GRIN2B: variants seen among roughly 807,000 people sequenced by gnomAD.
GRIN2B encodes glutamate ionotropic receptor NMDA type subunit 2B.
A neutral mutation model predicts 114.5 loss-of-function variants in GRIN2B; 5 were observed. The ratio of observed to expected loss-of-function variants is 0.04; its 90% confidence interval spans 0.02 to 0.09. The LOEUF (loss-of-function observed/expected upper bound fraction) is 0.09, where lower values mean the gene tolerates loss of function less well. Ranked by LOEUF, GRIN2B falls within the 10% of genes least tolerant of loss-of-function variation. The pLI is 1.00. For synonymous variants in GRIN2B, 787 were observed against 745.1 expected (o/e 1.06, Z -0.92); for missense variants, 1,108 against 1,943.5 (o/e 0.57, Z 8.08).
intron 3 of GRIN2B, among the ~76,000 whole-genome samples, chr12:13,767,983 C>A (rs1863830128): frequency 6.6e-6 from 1 of 152,204 alleles, no homozygotes; most frequent in Non-Finnish European, 1.5e-5. Flanking sequence ...ACCTCAGATT[C>A]CCCTCTCTGT....
At chr12:13,820,636 T>A (rs1214517726) in intron 3 of GRIN2B, among the ~76,000 whole-genome samples, 1 of 152,212 alleles carries the variant, frequency 6.6e-6, no homozygotes, top group Non-Finnish European at 1.5e-5. Context: ...AAGCATATAG[T>A]ACAATGCTTG....
At chr12:13,699,108 C>A (rs1018264963) in intron 4 of GRIN2B, among the ~76,000 whole-genome samples, 2 of 152,162 alleles carry the variant, frequency 1.3e-5, no homozygotes, top group Non-Finnish European at 2.9e-5. Flanking sequence ...AGTAAGCATG[C>A]ATAAGGTTAA....
At chr12:13,603,117 C>G (rs1224853571) in intron 10 of GRIN2B, among the ~76,000 whole-genome samples, 1 of 152,180 alleles carries the variant, frequency 6.6e-6, no homozygotes, top group African/African-American at 2.4e-5. Flanking sequence ...CTAAGGGTCA[C>G]TCTATACACA....
chr12:13,920,235 GAAA>G (rs11354278), intron 2 of GRIN2B, among the ~76,000 whole-genome samples: 6 of 139,296 alleles, frequency 4.3e-5, no homozygotes, highest in South Asian at 2.3e-4. Context: ...CCTATCTCAA[GAAA>G]AAAAAAAAAA....
intron 5 of GRIN2B, among the ~76,000 whole-genome samples, chr12:13,624,741 C>G (rs1170582877): frequency 6.6e-6 from 1 of 152,342 alleles, no homozygotes; most frequent in East Asian, 1.9e-4. Context: ...CCCAGGGACA[C>G]TGAGACATCC....
intron 3 of GRIN2B, among the ~76,000 whole-genome samples, chr12:13,806,605 T>C (rs1427476189): frequency 1.3e-5 from 2 of 152,150 alleles, no homozygotes; most frequent in African/African-American, 4.8e-5. Flanking sequence ...TTGAGTTATA[T>C]ATTTTTAATA....
chr12:13,776,472 ATT>A (rs1433735044), intron 3 of GRIN2B, among the ~76,000 whole-genome samples: 1 of 152,176 alleles, frequency 6.6e-6, no homozygotes, highest in Non-Finnish European at 1.5e-5. Flanking sequence ...GAAATTCTGA[ATT>A]TTAGGAATTT....
intron 10 of GRIN2B, among the ~76,000 whole-genome samples, chr12:13,592,700 G>A (rs756868441): frequency 1.3e-5 from 2 of 152,148 alleles, no homozygotes; most frequent in African/African-American, 2.4e-5. Flanking sequence ...TCCACTTGCT[G>A]AGCTCTGGTG....
intron 2 of GRIN2B, 118 bp from the exon 3 acceptor site, chr12:13,866,344 A>C: frequency 1.2e-6 from 1 of 812,786 alleles, no homozygotes; most frequent in Non-Finnish European, 2.0e-6. Flanking sequence ...ACCAAACCCA[A>C]CTCCATCTAC....
chr12:13,717,923 G>T (rs2136588930), intron 4 of GRIN2B, among the ~76,000 whole-genome samples: 1 of 152,102 alleles, frequency 6.6e-6, no homozygotes, highest in Non-Finnish European at 1.5e-5. Context: ...AAACATGGGG[G>T]CTTAAGGTCA....
intron 5 of GRIN2B, among the ~76,000 whole-genome samples, chr12:13,618,375 A>G (rs973158405): frequency 6.6e-6 from 1 of 152,106 alleles, no homozygotes; most frequent in Non-Finnish European, 1.5e-5. Flanking sequence ...GAGAAGCCCT[A>G]AAGTACTTAT....
intron 2 of GRIN2B, among the ~76,000 whole-genome samples, chr12:13,896,714 G>C (rs1866362414): frequency 6.6e-6 from 1 of 152,062 alleles, no homozygotes; most frequent in African/African-American, 2.4e-5. Context: ...GATTGGGGAG[G>C]GCCTTTGGGT....
intron 3 of GRIN2B, among the ~76,000 whole-genome samples, chr12:13,800,599 A>G (rs1312086570): frequency 6.6e-6 from 1 of 152,194 alleles, no homozygotes; most frequent in Non-Finnish European, 1.5e-5. Context: ...TATAGTATCA[A>G]CATCTCTGAA....
chr12:13,652,959 T>C (rs74067248), intron 5 of GRIN2B, among the ~76,000 whole-genome samples: 3,373 of 152,254 alleles, frequency 0.022, 135 homozygotes, highest in African/African-American at 0.077. Flanking sequence ...TGGAGCACTA[T>C]TGCAGAGTTT....
intron 4 of GRIN2B, among the ~76,000 whole-genome samples, chr12:13,715,821 G>A (rs1157343466): frequency 2.0e-5 from 3 of 151,904 alleles, no homozygotes; most frequent in African/African-American, 4.8e-5. Context: ...GATGTCATAA[G>A]AGCAAGTCCT....
rs1187007126 is a variant in GRIN2B at position 13,554,320 on chromosome 12, A to T, written c.*8463T>A. ...CGAAAGTGTTATGGGCATTCATAAA[A>T]TGCCTAAAATTATTTTCTGAATGGA... On this transcript the variant is annotated 3_prime_UTR_variant, in exon 14 of 14. Coordinates refer to ENST00000609686, the MANE Select transcript of GRIN2B (RefSeq NM_000834.5). 1 of 152,230 alleles carries T rather than the reference A, an allele frequency of 6.6e-6. No homozygotes were observed. The highest frequency in any genetic ancestry group is 2.4e-5 in the African/African-American group (1 of 41,454). The allele number at this position is 152,230 out of a possible 1,614,324, so 9.4% of individuals were successfully genotyped here.
intron 2 of GRIN2B, among the ~76,000 whole-genome samples, chr12:13,952,664 G>C (rs895223056): frequency 6.6e-6 from 1 of 152,002 alleles, no homozygotes; most frequent in Admixed American, 6.6e-5. Context: ...GTCTTCTTCT[G>C]GCCATGTATT....
At position 13,559,683 on chromosome 12, in the gene GRIN2B, C is replaced by T. The variant is rs1948517219; in HGVS notation, c.*3100G>A. 1 of 152,218 alleles carries T rather than the reference C, an allele frequency of 6.6e-6. No homozygotes were observed. Among genetic ancestry groups the T allele is most frequent in the South Asian group, 2.1e-4 (1 of 4,830 alleles). The allele number at this position is 152,218 out of a possible 1,614,324, so 9.4% of individuals were successfully genotyped here. ...AAATTTGTAAGACACATATCCAGCA[C>T]TACCTCTCTGTGACCAGATATCACA... On this transcript the variant is annotated 3_prime_UTR_variant, in exon 14 of 14. Transcript: ENST00000609686.
chr12:13,861,008 G>A (rs768167965), intron 3 of GRIN2B, among the ~76,000 whole-genome samples: 7 of 152,058 alleles, frequency 4.6e-5, no homozygotes, highest in Non-Finnish European at 7.4e-5. Flanking sequence ...TGTTTGCCAC[G>A]GTACTGCCCT....
Sources: gnomAD v4.1 joint callset for allele counts (sites outside exome capture counted in the v4.1 genomes callset) on GRCh38, gnomAD v4.1.1 for gene constraint, MANE v1.5 for transcripts, NCBI Gene and HGNC (gene_info 2026-07-23, HGNC 2026-07-21) for gene names.